ITPR2: variants seen among roughly 807,000 people sequenced by gnomAD.
The protein encoded by ITPR2 is inositol 1,4,5-trisphosphate receptor type 2.
In ITPR2, 207 loss-of-function variants were observed where a neutral mutation model predicts 317.1. The ratio of observed to expected loss-of-function variants is 0.65; its 90% CI spans 0.58 to 0.73. The LOEUF is 0.73. ITPR2 is among the 30% of genes least tolerant of loss of function. The pLI is 0.00. For synonymous variants in ITPR2, 1,156 were observed against 1,149.1 expected, an observed-to-expected ratio of 1.01 and a Z score of -0.12; for missense variants, 2,613 against 3,284.0, an observed-to-expected ratio of 0.80 and a Z score of 4.99.
chr12:26,408,720 G>A (rs1394409941), intron 52 of ITPR2, among the ~76,000 whole-genome samples: 1 of 152,146 alleles, frequency 6.6e-6, no homozygotes, highest in African/African-American at 2.4e-5. Context: ...CACTAGCAAA[G>A]CAATATTTTG....
In ITPR2 at chr12:26,659,132, T is replaced by G. The variant is rs1420229082; in HGVS notation, c.1867A>C (p.Arg623=). The change falls in exon 16 of 57, where the codon AGG becomes CGG. Residue 623 remains arginine, a synonymous_variant. Transcript: ENST00000381340. ...TCAAACCTTGGCTCCCGATTTCTCC[T>G]GAGTAAACTGACAAATGTTTCTATT... ...KEIETFVSLL[R]RNREPRFLDY... 1.2e-6 allele frequency: 2 copies of G among 1,612,934 alleles called. No homozygotes were observed. Among genetic ancestry groups the G allele is most frequent in the African/African-American group, 2.7e-5 (2 of 74,908 alleles).
At chr12:26,410,625 T>C (rs1940518160) in intron 52 of ITPR2, among the ~76,000 whole-genome samples, 1 of 152,172 alleles carries the variant, frequency 6.6e-6, no homozygotes. Flanking sequence ...CTCCTTTTTG[T>C]ATATGACAAC....
intron 13 of ITPR2, among the ~76,000 whole-genome samples, chr12:26,671,691 A>T (rs1466153504): frequency 1.1e-4 from 17 of 152,190 alleles, no homozygotes; most frequent in African/African-American, 3.9e-4. Flanking sequence ...TCAAATTCAC[A>T]CATAACAATA....
chr12:26,645,119 T>A (rs913637385), intron 21 of ITPR2, among the ~76,000 whole-genome samples: 1 of 152,198 alleles, frequency 6.6e-6, no homozygotes, highest in Non-Finnish European at 1.5e-5. Flanking sequence ...CTGGTGTTGA[T>A]CCTAAGAGCT....
At chr12:26,791,905 C>CA (rs1950347787) in intron 1 of ITPR2, among the ~76,000 whole-genome samples, 1 of 152,018 alleles carries the variant, frequency 6.6e-6, no homozygotes, top group South Asian at 2.1e-4. Context: ...ATACAATGGT[C>CA]AAAAAATCAT....
intron 22 of ITPR2, among the ~76,000 whole-genome samples, chr12:26,628,398 T>C (rs1946671789): frequency 6.6e-6 from 1 of 152,216 alleles, no homozygotes; most frequent in Non-Finnish European, 1.5e-5. Context: ...TGACTCCCTA[T>C]GACTGCTCTC....
At chr12:26,787,081 CT>C (rs1378250209) in intron 2 of ITPR2, among the ~76,000 whole-genome samples, 1 of 152,172 alleles carries the variant, frequency 6.6e-6, no homozygotes, top group Non-Finnish European at 1.5e-5. Flanking sequence ...TAAAGACAAG[CT>C]ATGCAAAAGG....
At chr12:26,583,050 C>T (rs1234869460) in intron 32 of ITPR2, among the ~76,000 whole-genome samples, 3 of 152,112 alleles carry the variant, frequency 2.0e-5, no homozygotes, top group Admixed American at 6.6e-5. Flanking sequence ...ATAATGCCTG[C>T]TCCATGTGCC....
At chr12:26,737,964 A>G (rs1345071766) in intron 2 of ITPR2, among the ~76,000 whole-genome samples, 2 of 152,116 alleles carry the variant, frequency 1.3e-5, no homozygotes, top group African/African-American at 4.8e-5. Flanking sequence ...AGAGAGTCAA[A>G]GGTAGAAGGA....
chr12:26,377,861 T>C (rs2136610928), intron 55 of ITPR2, among the ~76,000 whole-genome samples: 1 of 152,276 alleles, frequency 6.6e-6, no homozygotes, highest in African/African-American at 2.4e-5. Context: ...TTCTCACACT[T>C]TTCTTTTAAG....
chr12:26,335,899 T>C lies in ITPR2; in HGVS notation c.*3498A>G, dbSNP rs914161641. On this transcript the variant is annotated 3_prime_UTR_variant, in exon 57 of 57. Coordinates refer to ENST00000381340, the MANE Select transcript of ITPR2 (RefSeq NM_002223.4). Reference sequence around the variant, plus strand: ...GCACCGTGTCGTGTATCACAGCATATTGGAATGGGTCTGTAGGTAGGAATA... The same window carrying C: ...GCACCGTGTCGTGTATCACAGCATACTGGAATGGGTCTGTAGGTAGGAATA... 1 of 152,114 alleles carries C rather than the reference T, an allele frequency of 6.6e-6. No individual in the cohort carries two copies. Among genetic ancestry groups the C allele is most frequent in the Non-Finnish European group, 1.5e-5 (1 of 68,026 alleles). 9.4% of individuals were successfully genotyped at this position (152,114 alleles called of 1,614,324 possible).
At chr12:26,451,364 A>C (rs1292055618) in intron 45 of ITPR2, among the ~76,000 whole-genome samples, 1 of 54,248 alleles carries the variant, frequency 1.8e-5, no homozygotes, top group Admixed American at 2.3e-4. Flanking sequence ...TTTCTCTCAT[A>C]TCACACACAC....
chr12:26,608,737 T>C lies in ITPR2; in HGVS notation c.3463-6031A>G, dbSNP rs974071508. Among the ~76,000 whole-genome samples the C allele has an allele frequency of 9.9e-5, 15 of 151,982 alleles. No homozygotes were observed. The South Asian group carries it at 2.7e-3, about 27-fold the overall frequency. On this transcript the variant is annotated intron_variant, in intron 26 of 56. Transcript: ENST00000381340. Reference sequence around the variant, plus strand: ...AAGTGGCAGCCTTGTGTGTGATCTTTCTGCGCTCCCCAAGTTTGCATTTTT... The same window carrying C: ...AAGTGGCAGCCTTGTGTGTGATCTTCCTGCGCTCCCCAAGTTTGCATTTTT...
At chr12:26,609,602 TACA>T (rs1176768432) in intron 26 of ITPR2, among the ~76,000 whole-genome samples, 2 of 150,522 alleles carry the variant, frequency 1.3e-5, no homozygotes, top group Non-Finnish European at 3.0e-5. Context: ...AGACCCTGTC[TACA>T]ACAAAAAGAA....
At chr12:26,727,290 CTT>C (rs1315322342) in intron 2 of ITPR2, among the ~76,000 whole-genome samples, 1 of 152,188 alleles carries the variant, frequency 6.6e-6, no homozygotes, top group Non-Finnish European at 1.5e-5. Flanking sequence ...ACAGCAGACT[CTT>C]TTGACTATCC....
At chr12:26,551,377 A>ATATC (rs1301400141) in intron 36 of ITPR2, among the ~76,000 whole-genome samples, 1 of 152,160 alleles carries the variant, frequency 6.6e-6, no homozygotes, top group Admixed American at 6.5e-5. Context: ...CCAGGGAGAT[A>ATATC]GGGCAACTTG....
intron 44 of ITPR2, among the ~76,000 whole-genome samples, chr12:26,476,570 A>G (rs748426074): frequency 1.3e-5 from 2 of 152,232 alleles, no homozygotes; most frequent in Non-Finnish European, 2.9e-5. Flanking sequence ...TGAAGAGTAC[A>G]AACATTTTTT....
At chr12:26,682,089 G>C in intron 12 of ITPR2, 55 bp from the exon 13 acceptor site, 1 of 1,410,294 alleles carries the variant, frequency 7.1e-7, no homozygotes, top group Admixed American at 1.8e-5. Context: ...AATATTCTTT[G>C]AAGACTAACA....
At chr12:26,753,814 C>T (rs999930992) in intron 2 of ITPR2, among the ~76,000 whole-genome samples, 7 of 152,192 alleles carry the variant, frequency 4.6e-5, no homozygotes, top group Non-Finnish European at 8.8e-5. Context: ...ACCCAGCAAA[C>T]TGGCCAGTTA....
Sources: gnomAD v4.1 joint callset for allele counts (sites outside exome capture counted in the v4.1 genomes callset) on GRCh38, gnomAD v4.1.1 for gene constraint, MANE v1.5 for transcripts, NCBI Gene and HGNC (gene_info 2026-07-23, HGNC 2026-07-21) for gene names.